The following TJP1 variants were observed in gnomAD, a reference collection of about 807,000 sequenced individuals.
TJP1 encodes the protein tight junction protein ZO-1.
In TJP1, 43 loss-of-function variants were observed where a neutral mutation model predicts 194.2. The observed-to-expected ratio is 0.22, with a 90% confidence interval of 0.17 to 0.29. The LOEUF (loss-of-function observed/expected upper bound fraction) is 0.29. Ranked by LOEUF, TJP1 falls within the 10% of genes least tolerant of loss-of-function variation. The probability of loss-of-function intolerance (pLI) is 1.00; values close to 1 mark genes in which losing one functional copy is unlikely to be tolerated. For synonymous variants in TJP1, 801 were observed against 779.0 expected (o/e 1.03, Z -0.47); for missense variants, 1,971 against 2,185.7 (o/e 0.90, Z 1.96).
In TJP1 at chr15:29,718,473, G is replaced by A. The variant is rs745390696; in HGVS notation, c.3669C>T (p.Val1223=). The A allele has an allele frequency of 7.4e-6, 12 of 1,614,166 alleles. No individual in the cohort carries two copies. Among genetic ancestry groups the A allele is most frequent in the Admixed American group, 6.7e-5 (4 of 60,012 alleles). Residue 1223 remains valine, a synonymous_variant, in exon 21 of 28, where the codon GTC becomes GTT. Coordinates refer to ENST00000614355, the MANE Select transcript of TJP1 (RefSeq NM_001330239.4). ...HFEPLHGAAA[V]PPLIPSSQHK... ...GCTGAGATGAAGGTATCAGCGGAGG[G>A]ACAGCTGCAGCACCATGGAGAGGCT...
intron 10 of TJP1, among the ~76,000 whole-genome samples, chr15:29,738,827 T>A (rs1276745354): frequency 8.2e-6 from 1 of 122,650 alleles, no homozygotes; most frequent in African/African-American, 3.1e-5. Context: ...AGGAGTTTGT[T>A]CCCAGCCCTG....
At chr15:29,726,532 GAATT>G (rs1157608683) in intron 17 of TJP1, 53 bp from the exon 18 acceptor site, 7 of 1,531,088 alleles carry the variant, frequency 4.6e-6, no homozygotes, top group East Asian at 4.5e-5. Context: ...CCAAAAGTCA[GAATT>G]AATTCAACCC....
At chr15:29,727,116 G>C (rs1352529483) in intron 16 of TJP1, 125 bp from the exon 17 acceptor site, 2 of 772,362 alleles carry the variant, frequency 2.6e-6, no homozygotes, top group African/African-American at 3.5e-5. Flanking sequence ...GGTCGAGGTG[G>C]GTGAATCACT....
intron 2 of TJP1, among the ~76,000 whole-genome samples, chr15:29,882,828 C>T (rs112814906): frequency 2.3e-4 from 35 of 152,056 alleles, no homozygotes; most frequent in Non-Finnish European, 4.3e-4. Context: ...AAGATTTGGC[C>T]CAAGATTTGG....
intron 2 of TJP1, among the ~76,000 whole-genome samples, chr15:29,843,877 G>A (rs1417355340): frequency 6.6e-6 from 1 of 152,068 alleles, no homozygotes; most frequent in Non-Finnish European, 1.5e-5. Context: ...TGTACATCCA[G>A]GAAAATGCTT....
At chr15:29,848,003 T>C (rs2051484090) in intron 2 of TJP1, among the ~76,000 whole-genome samples, 1 of 152,224 alleles carries the variant, frequency 6.6e-6, no homozygotes. Flanking sequence ...TTTCCACGTT[T>C]AAAGCTTTTT....
chr15:29,775,243 A>G (rs551694743), intron 2 of TJP1, among the ~76,000 whole-genome samples: 1 of 152,074 alleles, frequency 6.6e-6, no homozygotes, highest in East Asian at 1.9e-4. Flanking sequence ...GTACAGTAGT[A>G]GTGATGCTGG....
At chr15:29,731,539 G>T (rs569847285) in intron 15 of TJP1, among the ~76,000 whole-genome samples, 2 of 152,152 alleles carry the variant, frequency 1.3e-5, no homozygotes. Flanking sequence ...TTCACTTCCT[G>T]AAAGTCAGGG....
chr15:29,942,006 G>T (rs552127441), intron 2 of TJP1, among the ~76,000 whole-genome samples: 1 of 152,178 alleles, frequency 6.6e-6, no homozygotes, highest in Non-Finnish European at 1.5e-5. Flanking sequence ...CCAGAGCTGC[G>T]TCTCAGCCCT....
chr15:29,715,686 T>C lies in TJP1; in HGVS notation c.4202+925A>G, dbSNP rs567876525. Among the ~76,000 whole-genome samples, 36 of 152,244 alleles carry C rather than the reference T, an allele frequency of 2.4e-4. 1 individual carries two copies. In the South Asian group the frequency reaches 7.1e-3, roughly 30 times the overall value. ...TTCAGGTGTAATGTCCCCAAGTCAGTTGAGGGGAGATGGTCTTGGGAGGGC... is the reference window on the plus strand; with the variant it reads ...TTCAGGTGTAATGTCCCCAAGTCAGCTGAGGGGAGATGGTCTTGGGAGGGC... On this transcript the variant is annotated intron_variant, in intron 23 of 27. Coordinates refer to ENST00000614355, the MANE Select transcript of TJP1 (RefSeq NM_001330239.4).
chr15:29,778,090 G>A (rs1352147694), intron 2 of TJP1, among the ~76,000 whole-genome samples: 1 of 151,916 alleles, frequency 6.6e-6, no homozygotes, highest in Admixed American at 6.6e-5. Context: ...GCAGGGATGC[G>A]AGCATACATT....
At chr15:29,914,324 C>A (rs893742448) in intron 2 of TJP1, among the ~76,000 whole-genome samples, 6 of 152,084 alleles carry the variant, frequency 3.9e-5, no homozygotes, top group African/African-American at 1.4e-4. Context: ...AAAGGGGATG[C>A]TATATAGAGC....
At chr15:29,712,871 A>C (rs188230099) in intron 23 of TJP1, among the ~76,000 whole-genome samples, 1 of 152,084 alleles carries the variant, frequency 6.6e-6, no homozygotes, top group Non-Finnish European at 1.5e-5. Flanking sequence ...GGAAAAAGTA[A>C]CACAACAGAA....
intron 2 of TJP1, among the ~76,000 whole-genome samples, chr15:29,915,389 A>G (rs1436368444): frequency 6.6e-6 from 1 of 152,128 alleles, no homozygotes; most frequent in African/African-American, 2.4e-5. Flanking sequence ...TGATTCCCCA[A>G]TTCCTCTTCT....
chr15:29,732,723 G>C lies in TJP1; in HGVS notation c.1829C>G (p.Ser610Cys). The change falls in exon 14 of 28, where the codon TCC (serine) becomes TGC (cysteine). Residue 610 changes from serine to cysteine, a missense_variant. Transcript: ENST00000614355. ...TCTGCTTTTTCGAAGATTTCTCTTG[G>C]AGCTGCGAAGACCTCTGAATCTCCA... Reference protein sequence around the residue: ...DFWRFRGLRSSKRNLRKSRED... With the variant: ...DFWRFRGLRSCKRNLRKSRED... 1 of 1,614,156 alleles carries C rather than the reference G, an allele frequency of 6.2e-7. No individual in the cohort carries two copies.
chr15:29,754,621 T>C (rs1360103530), intron 8 of TJP1, among the ~76,000 whole-genome samples: 3 of 152,256 alleles, frequency 2.0e-5, no homozygotes, highest in African/African-American at 7.2e-5. Flanking sequence ...CAATAATTTT[T>C]AGCCTATTGG....
intron 2 of TJP1, among the ~76,000 whole-genome samples, chr15:29,856,886 G>C (rs2051876895): frequency 2.6e-5 from 4 of 151,516 alleles, no homozygotes. Flanking sequence ...GGGTGCATCT[G>C]TACCAAACAT....
chr15:29,867,637 G>T (rs964548322), intron 2 of TJP1, among the ~76,000 whole-genome samples: 1 of 152,202 alleles, frequency 6.6e-6, no homozygotes, highest in Non-Finnish European at 1.5e-5. Context: ...GCTGGGCATG[G>T]TGGCTCATGC....
chr15:29,799,477 T>C (rs1447469399), intron 2 of TJP1, among the ~76,000 whole-genome samples: 2 of 151,806 alleles, frequency 1.3e-5, no homozygotes, highest in Non-Finnish European at 2.9e-5. Flanking sequence ...TGCAGTGGCA[T>C]GATCTCGGCT....
Sources: gnomAD v4.1 joint callset for allele counts (sites outside exome capture counted in the v4.1 genomes callset) on GRCh38, gnomAD v4.1.1 for gene constraint, MANE v1.5 for transcripts, NCBI Gene and HGNC (gene_info 2026-07-23, HGNC 2026-07-21) for gene names.